The following MBTPS2 variants were observed in gnomAD, a reference collection of about 807,000 sequenced individuals.
The protein encoded by MBTPS2 is membrane-bound transcription factor site-2 protease.
Under a neutral mutation model 35.4 loss-of-function variants are expected in MBTPS2, and 2 were observed. That is an observed-to-expected ratio of 0.06 (90% CI 0.02 to 0.18). MBTPS2 has a LOEUF of 0.18. Among genes scored for constraint, MBTPS2 ranks in the 10% least tolerant of loss-of-function variants. MBTPS2 has a pLI of 1.00. For synonymous variants in MBTPS2, 125 were observed against 140.4 expected (o/e 0.89, Z 0.77); for missense variants, 244 against 386.5 (o/e 0.63, Z 3.09).
intron 7 of MBTPS2, chrX:21,869,967 G>T (rs774306694): frequency 4.7e-4 from 116 of 248,727 alleles, no homozygotes; most frequent in Non-Finnish European, 7.2e-4. Context: ...ATAGCCGGGC[G>T]CAGTGGCTCA....
chrX:21,860,417 AAAAT>A (rs1292878791), intron 5 of MBTPS2, among the ~76,000 whole-genome samples: 2 of 112,405 alleles, frequency 1.8e-5, no homozygotes, highest in Admixed American at 1.9e-4. Flanking sequence ...CGTCTCAAAA[AAAAT>A]AAAGTAAATG....
At chrX:21,854,609 A>G (rs766394582) in intron 5 of MBTPS2, among the ~76,000 whole-genome samples, 1 of 112,489 alleles carries the variant, frequency 8.9e-6, no homozygotes, top group Non-Finnish European at 1.9e-5. Context: ...CAATGAAAAT[A>G]TAACAGTTGT....
In MBTPS2 at chrX:21,884,905, G is replaced by T. The variant is rs761218933; in HGVS notation, c.*2250G>T. The T allele has an allele frequency of 4.0e-6, 3 of 749,976 alleles. No individual in the cohort carries two copies. The highest frequency in any genetic ancestry group is 1.5e-4 in the East Asian group (1 of 6,596). 61.8% of individuals were successfully genotyped at this position (749,976 alleles called of 1,213,427 possible). On this transcript the variant is annotated 3_prime_UTR_variant, in exon 11 of 11. Transcript: ENST00000379484. The stretch of plus-strand genomic sequence containing the variant: ...AACTTGGAGGGTCTTTGTGTCCCTG[G>T]CATATTATCATCTTCATGGAAAGAA...
At chrX:21,841,714 G>C in intron 1 of MBTPS2, 1 of 112,373 alleles carries the variant, frequency 8.9e-6, no homozygotes, top group East Asian at 2.8e-4. Context: ...AGTCACAAGT[G>C]TGTGAGGTGA....
intron 2 of MBTPS2, among the ~76,000 whole-genome samples, chrX:21,844,177 C>A (rs1020061970): frequency 1.9e-4 from 20 of 107,940 alleles, no homozygotes; most frequent in Non-Finnish European, 3.7e-4. Context: ...TGATAAACCC[C>A]TACCATGACT....
intron 5 of MBTPS2, chrX:21,856,318 CGCGCCTTTCTCT>C: frequency 2.2e-6 from 1 of 460,054 alleles, no homozygotes; most frequent in African/African-American, 2.4e-5. Flanking sequence ...CTCTGCAGCT[CGCGCCTTTCTCT>C]GCAGCTCGCG....
chrX:21,867,149 T>C (rs1433660134), intron 5 of MBTPS2, among the ~76,000 whole-genome samples: 2 of 112,370 alleles, frequency 1.8e-5, no homozygotes, highest in Non-Finnish European at 3.8e-5. Context: ...AAAGTATTTA[T>C]TTACTAAATA....
At chrX:21,866,836 G>C (rs369548617) in intron 5 of MBTPS2, among the ~76,000 whole-genome samples, 18 of 109,700 alleles carry the variant, frequency 1.6e-4, no homozygotes, top group African/African-American at 6.0e-4. Flanking sequence ...AAACCAGTCT[G>C]GCCAACATGG....
intron 3 of MBTPS2, among the ~76,000 whole-genome samples, chrX:21,849,313 G>T (rs1388709565): frequency 8.9e-6 from 1 of 112,299 alleles, no homozygotes; most frequent in Non-Finnish European, 1.9e-5. Context: ...TGATCTTACG[G>T]ATCAGTAAGA....
At chrX:21,842,870 T>G (rs1400376223) in intron 1 of MBTPS2, among the ~76,000 whole-genome samples, 1 of 111,536 alleles carries the variant, frequency 9.0e-6, no homozygotes, top group African/African-American at 3.3e-5. Flanking sequence ...TTTTTGGTTT[T>G]TATTGTCTTT....
chrX:21,859,169 ATT>A (rs200921428), intron 5 of MBTPS2, among the ~76,000 whole-genome samples: 27 of 109,980 alleles, frequency 2.5e-4, no homozygotes, highest in African/African-American at 4.9e-4. Context: ...ATTGTTTACA[ATT>A]TTTTTTTTAA....
chrX:21,841,962 C>G, intron 1 of MBTPS2: 1 of 111,870 alleles, frequency 8.9e-6, no homozygotes, highest in Admixed American at 9.5e-5. Context: ...TTTTCCAAGT[C>G]TTGGAAAACA....
At chrX:21,881,897 C>T (rs1372457875) in intron 10 of MBTPS2, among the ~76,000 whole-genome samples, 2 of 111,521 alleles carry the variant, frequency 1.8e-5, no homozygotes, top group Non-Finnish European at 3.8e-5. Flanking sequence ...GATCGCTCCA[C>T]TGCACTCCAG....
At chrX:21,840,794 G>C (rs2092901791) in intron 1 of MBTPS2, among the ~76,000 whole-genome samples, 1 of 112,190 alleles carries the variant, frequency 8.9e-6, no homozygotes, top group Non-Finnish European at 1.9e-5. Context: ...ATTTAAACTT[G>C]TAAAGTGCAG....
At chrX:21,873,977 CTGTG>C (rs1208053273) in intron 7 of MBTPS2, among the ~76,000 whole-genome samples, 83 of 79,824 alleles carry the variant, frequency 1.0e-3, no homozygotes, top group African/African-American at 2.0e-3. Context: ...ATGTGTGTGT[CTGTG>C]TGTGTGTGTG....
intron 5 of MBTPS2, chrX:21,857,045 G>A: frequency 8.3e-7 from 1 of 1,211,986 alleles, no homozygotes; most frequent in Non-Finnish European, 1.1e-6. Context: ...CCGTGACTAT[G>A]TGGTCCCCTA....
intron 5 of MBTPS2, among the ~76,000 whole-genome samples, chrX:21,867,924 C>A (rs868046433): frequency 1.8e-5 from 2 of 111,687 alleles, no homozygotes; most frequent in Non-Finnish European, 3.8e-5. Context: ...CAGGCGTGAG[C>A]CACCGTGCCT....
chrX:21,856,275 A>T, intron 5 of MBTPS2: 1 of 423,508 alleles, frequency 2.4e-6, no homozygotes, highest in Admixed American at 4.3e-5. Context: ...TGCTTTCCTC[A>T]GTCTCGCGCC....
chrX:21,863,103 C>A (rs1312800121), intron 5 of MBTPS2, among the ~76,000 whole-genome samples: 1 of 95,169 alleles, frequency 1.1e-5, no homozygotes, highest in Non-Finnish European at 2.1e-5. Context: ...GAAAAAAAAA[C>A]ACACACACTA....
Sources: gnomAD v4.1 joint callset for allele counts (sites outside exome capture counted in the v4.1 genomes callset) on GRCh38, gnomAD v4.1.1 for gene constraint, MANE v1.5 for transcripts, NCBI Gene and HGNC (gene_info 2026-07-23, HGNC 2026-07-21) for gene names.